Variants in MKLN1 observed in about 807,000 individuals in gnomAD.
The protein encoded by MKLN1 is muskelin 1.
A neutral mutation model predicts 99.0 loss-of-function variants in MKLN1; 18 were observed. The observed-to-expected ratio is 0.18, with a 90% CI of 0.13 to 0.27. The LOEUF is 0.27. MKLN1 is among the 10% of genes least tolerant of loss of function. MKLN1 has a pLI of 1.00. For synonymous variants in MKLN1, 288 were observed against 293.2 expected, an observed-to-expected ratio of 0.98 and a Z score of 0.18; for missense variants, 621 against 875.9, an observed-to-expected ratio of 0.71 and a Z score of 3.67.
intron 2 of MKLN1, among the ~76,000 whole-genome samples, chr7:131,171,097 C>T (rs921438701): frequency 6.6e-6 from 1 of 152,084 alleles, no homozygotes; most frequent in Admixed American, 6.5e-5. Context: ...GAATCAGAAG[C>T]CAATAGGGTT....
chr7:131,148,564 C>T (rs963834946), intron 2 of MKLN1, among the ~76,000 whole-genome samples: 1 of 152,000 alleles, frequency 6.6e-6, no homozygotes, highest in African/African-American at 2.4e-5. Context: ...CACTTGAGCC[C>T]AGGGGTTTGA....
chr7:131,185,947 C>T (rs1402886877), intron 2 of MKLN1, among the ~76,000 whole-genome samples: 1 of 151,854 alleles, frequency 6.6e-6, no homozygotes, highest in East Asian at 1.9e-4. Flanking sequence ...AATCCCAGCA[C>T]TTTGGGAGGC....
intron 1 of MKLN1, among the ~76,000 whole-genome samples, chr7:131,141,032 C>T (rs911872902): frequency 4.6e-5 from 7 of 152,158 alleles, no homozygotes; most frequent in Non-Finnish European, 1.0e-4. Context: ...GATCCACCCA[C>T]CTTGGCCTCC....
intron 6 of MKLN1, among the ~76,000 whole-genome samples, chr7:131,404,253 T>A (rs948953336): frequency 6.6e-6 from 1 of 152,190 alleles, no homozygotes; most frequent in Non-Finnish European, 1.5e-5. Context: ...TAAAAGTGTT[T>A]GTGTAGAATG....
intron 3 of MKLN1, among the ~76,000 whole-genome samples, chr7:131,295,615 GTAGTTCACGCCTA>G (rs1798279411): frequency 6.6e-6 from 1 of 152,138 alleles, no homozygotes; most frequent in South Asian, 2.1e-4. Context: ...GCCAGGTGTG[GTAGTTCACGCCTA>G]TAATCCCAAC....
intron 3 of MKLN1, among the ~76,000 whole-genome samples, chr7:131,289,189 C>A (rs1798178857): frequency 1.3e-5 from 2 of 152,182 alleles, no homozygotes; most frequent in South Asian, 4.1e-4. Context: ...GGTGTCCCCA[C>A]CCCTGGCCTA....
intron 1 of MKLN1, among the ~76,000 whole-genome samples, chr7:131,330,512 A>C (rs1799040569): frequency 6.6e-6 from 1 of 152,210 alleles, no homozygotes; most frequent in Non-Finnish European, 1.5e-5. Context: ...GCAGGTAGGG[A>C]GAAGTTTAAA....
chr7:131,197,465 G>A (rs1303441189), intron 2 of MKLN1, among the ~76,000 whole-genome samples: 1 of 150,392 alleles, frequency 6.6e-6, no homozygotes, highest in Non-Finnish European at 1.5e-5. Context: ...GCCCAGGCTG[G>A]TCTCCAACTC....
intron 2 of MKLN1, among the ~76,000 whole-genome samples, chr7:131,161,638 G>T (rs992769769): frequency 6.6e-6 from 1 of 152,106 alleles, no homozygotes; most frequent in Non-Finnish European, 1.5e-5. Flanking sequence ...TGCAAGCTCC[G>T]CCTTCCGGGT....
Position 131,181,248 on chromosome 7 carries a change from C to A in MKLN1, c.-296-21609C>A, listed in dbSNP as rs547819621. On this transcript the variant is annotated intron_variant, in intron 2 of 7. Transcript: ENST00000416992. ...GAAAGAGGCTTAGCCTCACATCAGC[C>A]CTAGAAGAAGTGGGAGAAATTTGAG... Among the ~76,000 whole-genome samples the A allele has an allele frequency of 1.5e-4, 23 of 151,980 alleles. No homozygotes were observed. In the East Asian group the frequency reaches 4.0e-3, roughly 27 times the overall value.
At chr7:131,350,495 A>G (rs1052317543) in intron 1 of MKLN1, among the ~76,000 whole-genome samples, 1 of 152,236 alleles carries the variant, frequency 6.6e-6, no homozygotes, top group Non-Finnish European at 1.5e-5. Context: ...CTAAGGCTAC[A>G]GTCAAGATGT....
In MKLN1 at chr7:131,238,244, G is replaced by A. The variant is rs150491191; in HGVS notation, c.-179+35270G>A. On this transcript the variant is annotated intron_variant, in intron 3 of 7. Transcript: ENST00000416992. ...CAGTCCTAAATTGGTACTAGATAAA[G>A]GATGATGGATATTAGCTTCATATAA... 2.7e-4 allele frequency among the ~76,000 whole-genome samples: 41 copies of A among 152,290 alleles called. No homozygotes were observed. The East Asian group carries it at 6.8e-3, about 25-fold the overall frequency.
chr7:131,142,971 CT>C (rs1403039223), intron 2 of MKLN1: 4 of 1,297,966 alleles, frequency 3.1e-6, no homozygotes, highest in African/African-American at 1.5e-5. Flanking sequence ...TTTTTTCTTT[CT>C]TTAGTTGTCA....
intron 3 of MKLN1, among the ~76,000 whole-genome samples, chr7:131,297,472 C>T (rs1209433661): frequency 6.6e-6 from 1 of 151,534 alleles, no homozygotes; most frequent in African/African-American, 2.4e-5. Context: ...ATACAAAGCC[C>T]AAATATCTTG....
At chr7:131,232,047 T>G (rs1797251864) in intron 3 of MKLN1, among the ~76,000 whole-genome samples, 1 of 152,208 alleles carries the variant, frequency 6.6e-6, no homozygotes, top group South Asian at 2.1e-4. Context: ...ATTCCTATAA[T>G]TTTTTAATGT....
At chr7:131,151,265 CTG>C (rs1167081005) in intron 2 of MKLN1, among the ~76,000 whole-genome samples, 1 of 152,206 alleles carries the variant, frequency 6.6e-6, no homozygotes, top group Non-Finnish European at 1.5e-5. Context: ...GGAACTAACA[CTG>C]TAGTAAAACC....
At position 131,337,277 on chromosome 7, in the gene MKLN1, G is replaced by A. The variant is rs1185541368; in HGVS notation, c.98+9280G>A. 2.0e-5 allele frequency among the ~76,000 whole-genome samples: 3 copies of A among 152,126 alleles called. No homozygotes were observed. In the East Asian group the frequency reaches 5.8e-4, roughly 29 times the overall value. ...GACTGATCAGCTGTGAAAAAATTTT[G>A]ACTTTTTAAAAATATTGTTTCTGCC... On this transcript the variant is annotated intron_variant, in intron 1 of 17. Coordinates refer to ENST00000352689, the MANE Select transcript of MKLN1 (RefSeq NM_013255.5).
chr7:131,457,070 G>T (rs1255574010), intron 12 of MKLN1, among the ~76,000 whole-genome samples: 1 of 152,120 alleles, frequency 6.6e-6, no homozygotes, highest in African/African-American at 2.4e-5. Context: ...CTGAGGTCGG[G>T]AGTTTGAGAC....
chr7:131,148,462 A>G (rs1584791866), intron 2 of MKLN1, among the ~76,000 whole-genome samples: 1 of 152,244 alleles, frequency 6.6e-6, no homozygotes, highest in African/African-American at 2.4e-5. Flanking sequence ...TCTCTCCATA[A>G]TAAAAATTAT....
Sources: allele counts gnomAD v4.1 joint callset (sites outside exome capture counted in the v4.1 genomes callset), GRCh38; gene constraint gnomAD v4.1.1; transcripts MANE v1.5; gene names NCBI Gene and HGNC (gene_info 2026-07-23, HGNC 2026-07-21).